ASAP1: variants seen among roughly 807,000 people sequenced by gnomAD.
ASAP1 encodes the protein ArfGAP with SH3 domain, ankyrin repeat and PH domain 1.
A neutral mutation model predicts 145.2 loss-of-function variants in ASAP1; 43 were observed. The ratio of observed to expected loss-of-function variants is 0.30; its 90% confidence interval spans 0.23 to 0.38. The LOEUF is 0.38. Ranked by LOEUF, ASAP1 falls within the 10% of genes least tolerant of loss-of-function variation. The pLI is 1.00. For missense variants in ASAP1, 1,018 were observed against 1,355.3 expected (o/e 0.75, Z 3.91); for synonymous variants, 546 against 515.5 (o/e 1.06, Z -0.80).
intron 11 of ASAP1, chr8:130,163,020 C>A (rs1447903488): frequency 1.2e-5 from 2 of 169,310 alleles, no homozygotes; most frequent in East Asian, 1.4e-4. Flanking sequence ...TTCAAATGGG[C>A]CTAACACTGC....
intron 22 of ASAP1, 123 bp from the exon 23 acceptor site, chr8:130,115,858 T>C (rs1177011023): frequency 9.8e-6 from 7 of 713,198 alleles, no homozygotes; most frequent in Non-Finnish European, 9.9e-6. Context: ...AGGTGTACTA[T>C]AGGCAACACT....
chr8:130,402,034 G>T, intron 1 of ASAP1, 64 bp from the exon 2 acceptor site: 1 of 1,103,336 alleles, frequency 9.1e-7, no homozygotes, highest in Non-Finnish European at 1.3e-6. Flanking sequence ...AGAAGACATT[G>T]TCTCAGACCA....
Position 130,358,793 on chromosome 8 carries a change from G to C in ASAP1, c.60-650C>G, listed in dbSNP as rs1002980267. Among the ~76,000 whole-genome samples the C allele has an allele frequency of 6.9e-6, 1 of 144,112 alleles. No homozygotes were observed. Among genetic ancestry groups the C allele is most frequent in the Non-Finnish European group, 1.5e-5 (1 of 66,210 alleles). 94.5% of individuals were successfully genotyped at this position (144,112 alleles called of 152,430 possible). On this transcript the variant is annotated intron_variant, in intron 2 of 29. Coordinates refer to ENST00000518721, the MANE Select transcript of ASAP1 (RefSeq NM_018482.4). This position sits in a 1 kb window ranked among gnomAD's most constrained non-coding sequence, Gnocchi z 4.1. ...CGCACAGCCCCTGGGGCCTGGCTCCGAAGCTGCCGCTCCCGACCCCGGCTG... is the reference window on the plus strand; with the variant it reads ...CGCACAGCCCCTGGGGCCTGGCTCCCAAGCTGCCGCTCCCGACCCCGGCTG...
At chr8:130,292,533 C>T (rs1322505132) in intron 3 of ASAP1, among the ~76,000 whole-genome samples, 1 of 152,214 alleles carries the variant, frequency 6.6e-6, no homozygotes, top group African/African-American at 2.4e-5. Context: ...CTCTTCCAGG[C>T]TCTGAATCAG....
At chr8:130,150,376 C>A (rs1364968864) in intron 13 of ASAP1, among the ~76,000 whole-genome samples, 1 of 152,170 alleles carries the variant, frequency 6.6e-6, no homozygotes, top group Non-Finnish European at 1.5e-5. Context: ...GTCATATAAC[C>A]ACTAAGCAGT....
intron 7 of ASAP1, among the ~76,000 whole-genome samples, chr8:130,184,095 G>A (rs911090332): frequency 2.6e-5 from 4 of 152,114 alleles, no homozygotes; most frequent in Non-Finnish European, 4.4e-5. Context: ...GAAGAAATGA[G>A]GCCATTATGT....
At chr8:130,100,314 T>TTTTCTTTC (rs112085116) in intron 24 of ASAP1, among the ~76,000 whole-genome samples, 94 of 151,532 alleles carry the variant, frequency 6.2e-4, no homozygotes, top group Middle Eastern at 3.4e-3. Context: ...ATATGTCGTG[T>TTTTCTTTC]TTTCTTTCTT....
At chr8:130,394,488 A>T (rs1320066233) in intron 2 of ASAP1, among the ~76,000 whole-genome samples, 2 of 152,314 alleles carry the variant, frequency 1.3e-5, no homozygotes, top group African/African-American at 4.8e-5. Context: ...CTTTATTAGC[A>T]ATTTTAATGT....
In ASAP1 at chr8:130,092,120, G is replaced by C; in HGVS notation, c.2425C>G (p.Leu809Val). ...CTAGAGGTCTGGGTGCTTAGAGGGA[G>C]TGTTGAAGGTGGGCCAGTTGGACCT... Reference protein sequence around the residue: ...GKGPTGPPSTLPLSTQTSSGS... With the variant: ...GKGPTGPPSTVPLSTQTSSGS... The change falls in exon 25 of 30, where the codon CTC becomes GTC. Residue 809 changes from leucine to valine, a missense_variant. By Grantham distance (32) the Leu-to-Val change is conservative (BLOSUM62 1). Around this residue, in one of 9 missense-constraint regions of ASAP1, gnomAD observed 353 missense variants for 375.4 expected, o/e 0.94. Transcript: ENST00000518721. 6.4e-7 allele frequency: 1 copy of C among 1,565,798 alleles called. No individual in the cohort carries two copies. The highest frequency in any genetic ancestry group is 8.6e-7 in the Non-Finnish European group (1 of 1,162,800).
At chr8:130,128,405 G>T (rs925213012) in intron 15 of ASAP1, among the ~76,000 whole-genome samples, 2 of 151,972 alleles carry the variant, frequency 1.3e-5, no homozygotes, top group Non-Finnish European at 2.9e-5. Flanking sequence ...TTTCCGTGTG[G>T]GCATACTGAA....
chr8:130,075,226 C>T (rs1486534172), intron 27 of ASAP1, among the ~76,000 whole-genome samples: 3 of 152,162 alleles, frequency 2.0e-5, no homozygotes, highest in Admixed American at 1.3e-4. Flanking sequence ...AAATAAAAGA[C>T]AACAAAAACC....
chr8:130,136,459 A>G (rs2097594997), intron 14 of ASAP1, among the ~76,000 whole-genome samples: 3 of 152,048 alleles, frequency 2.0e-5, no homozygotes, highest in Non-Finnish European at 4.4e-5. Flanking sequence ...CAGGGATATA[A>G]CTCTGGGCAA....
chr8:130,052,703 A>G lies in ASAP1; in HGVS notation c.*2028T>C, dbSNP rs566190842. The G allele has an allele frequency of 5.3e-5, 8 of 151,980 alleles. No individual in the cohort carries two copies. The highest frequency in any genetic ancestry group is 1.7e-4 in the African/African-American group (7 of 41,464). 9.4% of individuals were successfully genotyped at this position (151,980 alleles called of 1,614,324 possible). Reference sequence around the variant, plus strand: ...AGACACTAACTCCATGTAATTTTAGACATGCAGCTTTTGTGTTTTTTTTTT... The same window carrying G: ...AGACACTAACTCCATGTAATTTTAGGCATGCAGCTTTTGTGTTTTTTTTTT... On this transcript the variant is annotated 3_prime_UTR_variant, in exon 30 of 30. Transcript: ENST00000518721.
intron 25 of ASAP1, among the ~76,000 whole-genome samples, chr8:130,087,992 G>C (rs912112915): frequency 1.3e-5 from 2 of 152,166 alleles, no homozygotes; most frequent in South Asian, 4.1e-4. Flanking sequence ...GTGACTCTTT[G>C]GGGGTCAGAG....
At chr8:130,227,261 G>T (rs759929319) in intron 4 of ASAP1, among the ~76,000 whole-genome samples, 63 of 150,956 alleles carry the variant, frequency 4.2e-4, no homozygotes, top group African/African-American at 1.4e-3. Flanking sequence ...TTTTTTTGTG[G>T]TTTTTTTTTG....
In ASAP1 at chr8:130,358,162, C is replaced by T; in HGVS notation, c.60-19G>A. 1 of 1,592,784 alleles carries T rather than the reference C, an allele frequency of 6.3e-7. No individual in the cohort carries two copies. Among genetic ancestry groups the T allele is most frequent in the Non-Finnish European group, 8.5e-7 (1 of 1,171,546 alleles). ...CGGCATCCTGCCGGGAGGGACGAGA[C>T]ACAAGCGGGGGCGGGGGGTGAGTCA... On this transcript the variant is annotated intron_variant, in intron 2 of 29. Coordinates refer to ENST00000518721, the MANE Select transcript of ASAP1 (RefSeq NM_018482.4). This position sits in a 1 kb window ranked among gnomAD's most constrained non-coding sequence, Gnocchi z 4.1.
intron 4 of ASAP1, among the ~76,000 whole-genome samples, chr8:130,230,470 G>T (rs879491706): frequency 6.6e-6 from 1 of 152,134 alleles, no homozygotes; most frequent in East Asian, 1.9e-4. Context: ...AATTTAAGGA[G>T]TAATGCTCTC....
At chr8:130,274,314 G>T (rs1223633233) in intron 3 of ASAP1, among the ~76,000 whole-genome samples, 1 of 152,178 alleles carries the variant, frequency 6.6e-6, no homozygotes, top group Non-Finnish European at 1.5e-5. Context: ...ACTGGGCCTT[G>T]CTGGCATTTT....
intron 3 of ASAP1, among the ~76,000 whole-genome samples, chr8:130,254,487 G>C (rs1361204975): frequency 6.6e-6 from 1 of 152,028 alleles, no homozygotes; most frequent in Non-Finnish European, 1.5e-5. Context: ...CATTAAAAAG[G>C]CAAATTTATA....
Sources: gnomAD v4.1 joint callset for allele counts (sites outside exome capture counted in the v4.1 genomes callset) on GRCh38, gnomAD v4.1.1 for gene constraint, gnomAD v4.1.1 regional missense constraint, Gnocchi (gnomAD v3.1) non-coding constraint, MANE v1.5 for transcripts, NCBI Gene and HGNC (gene_info 2026-07-23, HGNC 2026-07-21) for gene names.